Variants in MIA2 observed in about 807,000 individuals in gnomAD.
The protein encoded by MIA2 is melanoma inhibitory activity protein 2.
MIA2 carries 127 observed loss-of-function variants against 167.8 expected under a neutral mutation model. The ratio of observed to expected loss-of-function variants is 0.76; its 90% CI spans 0.66 to 0.88. The LOEUF is 0.88. MIA2 is among the 40% of genes least tolerant of loss of function. The probability of loss-of-function intolerance (pLI) is 0.00; values close to 1 mark genes in which losing one functional copy is unlikely to be tolerated. For synonymous variants in MIA2, 552 were observed against 541.9 expected, an observed-to-expected ratio of 1.02 and a Z score of -0.26; for missense variants, 1,690 against 1,624.7, an observed-to-expected ratio of 1.04 and a Z score of -0.69.
At chr14:39,307,557 A>G (rs551516450) in intron 17 of MIA2, among the ~76,000 whole-genome samples, 3 of 152,024 alleles carry the variant, frequency 2.0e-5, no homozygotes, top group African/African-American at 4.8e-5. Context: ...ACGCCCCAGC[A>G]CGCCTGACTA....
intron 14 of MIA2, among the ~76,000 whole-genome samples, chr14:39,300,829 A>G (rs1480808613): frequency 2.0e-5 from 3 of 152,068 alleles, no homozygotes; most frequent in African/African-American, 7.2e-5. Context: ...AAAATAGTAT[A>G]AAGAAAGTGA....
chr14:39,339,776 A>G (rs890801286), intron 25 of MIA2, among the ~76,000 whole-genome samples: 1 of 152,204 alleles, frequency 6.6e-6, no homozygotes, highest in Non-Finnish European at 1.5e-5. Flanking sequence ...TAATGTGTCT[A>G]GTACAACTTG....
chr14:39,320,420 G>T (rs1489855166), intron 23 of MIA2, among the ~76,000 whole-genome samples: 1 of 152,092 alleles, frequency 6.6e-6, no homozygotes, highest in Non-Finnish European at 1.5e-5. Context: ...AAAGTAAATT[G>T]TGATCTTGCT....
intron 13 of MIA2, 116 bp from the exon 14 acceptor site, chr14:39,299,748 T>A (rs1163508268): frequency 4.7e-6 from 5 of 1,054,136 alleles, no homozygotes; most frequent in Non-Finnish European, 6.6e-6. Flanking sequence ...ATTTTGAAAG[T>A]TCTTTGAAAA....
rs752816344 is a variant in MIA2, at chr14:39,236,968, C to T, written c.162C>T (p.Asp54=). The change falls in exon 2 of 29, where the codon GAC becomes GAT. Residue 54 remains aspartate (D), a synonymous_variant. Transcript: ENST00000640607. ...VSAMRDYRGP[D]CRYLNFTKGE... The stretch of plus-strand genomic sequence containing the variant: ...CCATGAGAGATTATAGAGGACCTGA[C>T]TGCCGATACCTGAACTTCACTAAGG... The T allele has an allele frequency of 6.8e-6, 11 of 1,613,990 alleles. No individual in the cohort carries two copies. The Admixed American group carries it at 1.7e-4, about 24-fold the overall frequency.
intron 23 of MIA2, among the ~76,000 whole-genome samples, chr14:39,380,292 T>C (rs1191434721): frequency 6.6e-6 from 1 of 151,778 alleles, no homozygotes; most frequent in Non-Finnish European, 1.5e-5. Flanking sequence ...AGTTAAACTT[T>C]TGGGTCAAAC....
At chr14:39,321,916 A>G (rs1184253816) in intron 24 of MIA2, among the ~76,000 whole-genome samples, 5 of 151,884 alleles carry the variant, frequency 3.3e-5, no homozygotes, top group Non-Finnish European at 5.9e-5. Flanking sequence ...ACATGCCACC[A>G]CACCTGGCTA....
intron 6 of MIA2, among the ~76,000 whole-genome samples, chr14:39,270,758 T>C (rs2057002229): frequency 6.6e-6 from 1 of 152,252 alleles, no homozygotes; most frequent in African/African-American, 2.4e-5. Flanking sequence ...TTATTGTTTA[T>C]ATCTTCTTTG....
At chr14:39,259,084 G>A (rs977517368) in intron 6 of MIA2, among the ~76,000 whole-genome samples, 3 of 152,230 alleles carry the variant, frequency 2.0e-5, no homozygotes, top group Non-Finnish European at 4.4e-5. Flanking sequence ...GAAGAAGTCT[G>A]CCCCTTAGCA....
At position 39,305,334 on chromosome 14, in the gene MIA2, G is replaced by A. The variant is rs79390569; in HGVS notation, c.2878+953G>A. On this transcript the variant is annotated intron_variant, in intron 17 of 28. Coordinates refer to ENST00000640607, the MANE Select transcript of MIA2 (RefSeq NM_001329214.4). ...AAGGAAAAGATAGCTTACTTTCAAG[G>A]AAGCTGTATTTCAAAAAATGTGTGT... Among the ~76,000 whole-genome samples the A allele has an allele frequency of 8.9e-3, 1,346 of 151,656 alleles. 21 individuals are homozygous for A. The highest frequency in any genetic ancestry group is 0.03 in the African/African-American group (1,237 of 41,578).
intron 6 of MIA2, among the ~76,000 whole-genome samples, chr14:39,261,113 A>G (rs906595635): frequency 1.1e-4 from 17 of 151,868 alleles, no homozygotes; most frequent in Non-Finnish European, 1.9e-4. Flanking sequence ...TACATTAGGT[A>G]TATCTCCTAG....
At chr14:39,240,513 T>C in intron 2 of MIA2, 48 bp from the exon 3 acceptor site, 1 of 1,439,476 alleles carries the variant, frequency 6.9e-7, no homozygotes. Context: ...ATAATTATTA[T>C]TGCTTTGATC....
intron 6 of MIA2, chr14:39,269,163 T>C: frequency 3.0e-6 from 2 of 659,660 alleles, no homozygotes; most frequent in Non-Finnish European, 3.8e-6. Context: ...TTTAAATTTT[T>C]TTTTTATTTT....
At chr14:39,300,853 G>C (rs1158084375) in intron 14 of MIA2, among the ~76,000 whole-genome samples, 1 of 151,778 alleles carries the variant, frequency 6.6e-6, no homozygotes, top group East Asian at 1.9e-4. Context: ...ATTTATGCCA[G>C]TTATGTTGCT....
chr14:39,241,788 A>C (rs1156848215), intron 3 of MIA2, among the ~76,000 whole-genome samples: 13 of 152,230 alleles, frequency 8.5e-5, no homozygotes, highest in Admixed American at 8.5e-4. Context: ...GACCTGGAAT[A>C]AATCCCAGAC....
In MIA2 at chr14:39,291,020, A is replaced by G. The variant is rs760899932; in HGVS notation, c.2132A>G (p.Tyr711Cys). 8.7e-6 allele frequency: 14 copies of G among 1,604,540 alleles called. No individual in the cohort carries two copies. Among genetic ancestry groups the G allele is most frequent in the Non-Finnish European group, 1.0e-5 (12 of 1,176,794 alleles). ...ACTTGTGATGTTGCTTTGTTTCAGT[A>G]TGAAGGCTATGAAGTAGAGTCATCT... The part of the protein sequence containing the change: ...LEKFSLVQKE[Y>C]EGYEVESSLK... The change falls in exon 10 of 29, where the codon TAT becomes TGT. Residue 711 changes from tyrosine to cysteine, a missense_variant and splice_region_variant. By Grantham distance (194) the Tyr-to-Cys change is radical. Coordinates refer to ENST00000640607, the MANE Select transcript of MIA2 (RefSeq NM_001329214.4).
rs1250688197 is a variant in MIA2 at position 39,326,869 on chromosome 14, C to T, written c.3502C>T (p.Arg1168Ter). ...LLPGGGGRGS[R>*]GPGNPLDHQI... ...GTTTTTTTTTCTTTAATTAGGCTCA[C>T]GAGGCCCAGGGAATCCTCTGGACCA... The change falls in exon 25 of 29, where the codon CGA becomes TGA. Residue 1168 changes from arginine (R) to a stop codon, truncating the protein, a stop_gained. Transcript: ENST00000640607. LOFTEE classifies it high-confidence loss of function. 1.9e-6 allele frequency: 3 copies of T among 1,564,798 alleles called. No individual in the cohort carries two copies. Among genetic ancestry groups the T allele is most frequent in the South Asian group, 1.2e-5 (1 of 81,206 alleles).
At chr14:39,240,268 G>C (rs1390661851) in intron 2 of MIA2, among the ~76,000 whole-genome samples, 1 of 152,128 alleles carries the variant, frequency 6.6e-6, no homozygotes, top group East Asian at 1.9e-4. Context: ...ACCTGGACAA[G>C]AAAGGTCGTT....
chr14:39,380,316 T>A (rs988528398), intron 23 of MIA2, among the ~76,000 whole-genome samples: 7 of 152,284 alleles, frequency 4.6e-5, no homozygotes, highest in African/African-American at 1.7e-4. Context: ...AAATTTTGTA[T>A]ATTAAAGGAA....
Sources: gnomAD v4.1 joint callset for allele counts (sites outside exome capture counted in the v4.1 genomes callset) on GRCh38, gnomAD v4.1.1 for gene constraint, MANE v1.5 for transcripts, NCBI Gene and HGNC (gene_info 2026-07-23, HGNC 2026-07-21) for gene names.